TWIST2: variants seen among roughly 807,000 people sequenced by gnomAD.
TWIST2 encodes twist family bHLH transcription factor 2, also known as twist-related protein 2.
In TWIST2, 1 loss-of-function variant was observed where a neutral mutation model predicts 11.6. The observed-to-expected ratio is 0.09, with a 90% CI of 0.03 to 0.41. The LOEUF (loss-of-function observed/expected upper bound fraction) is 0.41. Among genes scored for constraint, TWIST2 ranks in the 10% least tolerant of loss-of-function variants. The pLI, the probability that TWIST2 is intolerant of heterozygous loss-of-function variation, is 0.98. For missense variants in TWIST2, 168 were observed against 226.4 expected, an observed-to-expected ratio of 0.74 and a Z score of 1.66; for synonymous variants, 87 against 96.6, an observed-to-expected ratio of 0.90 and a Z score of 0.58.
At chr2:238,884,399 G>A (rs1452378729) in intron 1 of TWIST2, among the ~76,000 whole-genome samples, 1 of 152,264 alleles carries the variant, frequency 6.6e-6, no homozygotes, top group Non-Finnish European at 1.5e-5. Flanking sequence ...CTTCCCATGC[G>A]AGTGGCTTCA....
chr2:238,891,984 C>G (rs894209554), intron 1 of TWIST2, among the ~76,000 whole-genome samples: 7 of 152,208 alleles, frequency 4.6e-5, no homozygotes, highest in African/African-American at 1.7e-4. Flanking sequence ...AGTTCGTTCA[C>G]GGAGCCGCTG....
chr2:238,871,390 T>C (rs1263949167), intron 1 of TWIST2, among the ~76,000 whole-genome samples: 2 of 30,652 alleles, frequency 6.5e-5, no homozygotes, highest in East Asian at 2.4e-3. Context: ...ACACACCCCA[T>C]GCACACACCA....
At chr2:238,891,118 A>G (rs1045169096) in intron 1 of TWIST2, among the ~76,000 whole-genome samples, 2 of 152,232 alleles carry the variant, frequency 1.3e-5, no homozygotes, top group Non-Finnish European at 2.9e-5. Flanking sequence ...TGACATTCGC[A>G]GTCTGATCTC....
chr2:238,868,304 GC>G (rs1692580164), intron 1 of TWIST2, among the ~76,000 whole-genome samples: 1 of 152,210 alleles, frequency 6.6e-6, no homozygotes, highest in Non-Finnish European at 1.5e-5. Flanking sequence ...AAACCTGACT[GC>G]CCAAGTGCCG....
At chr2:238,855,761 G>A (rs570492946) in intron 1 of TWIST2, among the ~76,000 whole-genome samples, 1 of 152,144 alleles carries the variant, frequency 6.6e-6, no homozygotes, top group African/African-American at 2.4e-5. Flanking sequence ...TCAGTCACAC[G>A]TGGAAATACA....
intron 1 of TWIST2, among the ~76,000 whole-genome samples, chr2:238,904,821 G>A (rs1200440934): frequency 3.3e-5 from 5 of 151,948 alleles, no homozygotes; most frequent in African/African-American, 1.2e-4. Flanking sequence ...GGAAGCGGAA[G>A]GAAGGGAGGG....
intron 1 of TWIST2, among the ~76,000 whole-genome samples, chr2:238,873,213 C>G (rs1692740205): frequency 6.6e-6 from 1 of 152,162 alleles, no homozygotes; most frequent in Non-Finnish European, 1.5e-5. Context: ...TTGAGAGCCT[C>G]CCACGTGCTG....
intron 1 of TWIST2, among the ~76,000 whole-genome samples, chr2:238,895,053 G>A (rs1693191457): frequency 6.6e-6 from 1 of 152,182 alleles, no homozygotes; most frequent in African/African-American, 2.4e-5. Flanking sequence ...CAGGCAGAGC[G>A]CCCGACACCG....
At chr2:238,869,069 C>T (rs1692598278) in intron 1 of TWIST2, among the ~76,000 whole-genome samples, 2 of 152,334 alleles carry the variant, frequency 1.3e-5, no homozygotes, top group South Asian at 4.1e-4. Flanking sequence ...TAAGTGGTTT[C>T]CTTGCAAAGG....
chr2:238,901,149 G>A (rs1238277965), intron 1 of TWIST2, among the ~76,000 whole-genome samples: 11 of 151,818 alleles, frequency 7.2e-5, no homozygotes, highest in African/African-American at 2.7e-4. Flanking sequence ...GCTAATTTTT[G>A]TATTTTTAGT....
At chr2:238,908,502 CCCA>C (rs1693394628) in intron 1 of TWIST2, among the ~76,000 whole-genome samples, 3 of 152,110 alleles carry the variant, frequency 2.0e-5, no homozygotes, top group Admixed American at 1.3e-4. Context: ...ACATACATAC[CCCA>C]CACCACACAC....
rs936315157 is a variant in TWIST2 at position 238,859,160 on chromosome 2, C to T, written c.*35+10427C>T. ...CTGGGAGGCAGAGGTTGAAGTGAGC[C>T]GAGATTGCACCACTGCACTCCAGCC... On this transcript the variant is annotated intron_variant, in intron 1 of 1. Transcript: ENST00000612363. Among the ~76,000 whole-genome samples, 9 of 149,538 alleles carry T rather than the reference C, an allele frequency of 6.0e-5. No homozygotes were observed. In the East Asian group the frequency reaches 8.0e-4, roughly 13 times the overall value.
intron 1 of TWIST2, among the ~76,000 whole-genome samples, chr2:238,851,306 A>G (rs879284612): frequency 2.0e-5 from 3 of 152,238 alleles, no homozygotes; most frequent in Non-Finnish European, 2.9e-5. Context: ...TGGTATTTAA[A>G]AGCACAATTA....
In TWIST2 at chr2:238,905,896, CGTGTGTGCGTGTGTGTGCGTGCAGGTGT is replaced by C. The variant is rs1297542870; in HGVS notation, c.*36-3944_*36-3917del. Among the ~76,000 whole-genome samples, 806 of 139,392 alleles carry C rather than the reference CGTGTGTGCGTGTGTGTGCGTGCAGGTGT, an allele frequency of 5.8e-3. 9 individuals are homozygous for C. Among genetic ancestry groups the C allele is most frequent in the African/African-American group, 0.022 (746 of 33,812 alleles). The allele number at this position is 139,392 out of a possible 152,430, so 91.4% of individuals were successfully genotyped here. On this transcript the variant is annotated intron_variant, in intron 1 of 1. Transcript: ENST00000612363. ...GTGTGTGTGCATGTGCGCGCATGCGCGTGTGTGCGTGTGTGTGCGTGCAGGTGTGCGTGTGCGCGTGTGTGTGCGCGCG... is the reference window on the plus strand; with the variant it reads ...GTGTGTGTGCATGTGCGCGCATGCGCGCGTGTGCGCGTGTGTGTGCGCGCG...
chr2:238,902,978 TGG>T (rs1174858646), intron 1 of TWIST2, among the ~76,000 whole-genome samples: 62 of 27,596 alleles, frequency 2.2e-3, no homozygotes, highest in African/African-American at 3.0e-3. Context: ...GTGTGTGATG[TGG>T]GTGTGTGATG....
chr2:238,879,463 C>T (rs1692867105), intron 1 of TWIST2, among the ~76,000 whole-genome samples: 1 of 152,202 alleles, frequency 6.6e-6, no homozygotes, highest in African/African-American at 2.4e-5. Flanking sequence ...TGCACACCTC[C>T]CTCCAGCCGG....
rs1692477965 is a variant in TWIST2, at chr2:238,863,874, A to AGAGGTCGGCCGTAGAG, written c.*35+15142_*35+15157dup. Among the ~76,000 whole-genome samples, 1 of 152,126 alleles carries AGAGGTCGGCCGTAGAG rather than the reference A, an allele frequency of 6.6e-6. No individual in the cohort carries two copies. Among genetic ancestry groups the AGAGGTCGGCCGTAGAG allele is most frequent in the Non-Finnish European group, 1.5e-5 (1 of 68,026 alleles). On this transcript the variant is annotated intron_variant, in intron 1 of 1. Transcript: ENST00000612363. The surrounding 1 kb of genome is among the most constrained non-coding windows in gnomAD (Gnocchi z 4.7). ...GAATGACAAATGTGTGGGACTGAGG[A>AGAGGTCGGCCGTAGAG]GAGGTCGGCCGTAGAGTAGGTCTAC...
rs1289385129 is a variant in TWIST2 at position 238,863,685 on chromosome 2, T to C, written c.*35+14952T>C. ...GGAAGCAAGTGGGAAAAAACCTCAA[T>C]GAACCCCTTAGCTGTTCCCCGAACC... On this transcript the variant is annotated intron_variant, in intron 1 of 1. Coordinates refer to ENST00000612363, the MANE Select transcript of TWIST2 (RefSeq NM_001271893.4). This position sits in a 1 kb window ranked among gnomAD's most constrained non-coding sequence, Gnocchi z 4.7. Among the ~76,000 whole-genome samples, 1 of 152,190 alleles carries C rather than the reference T, an allele frequency of 6.6e-6. No individual in the cohort carries two copies. Among genetic ancestry groups the C allele is most frequent in the African/African-American group, 2.4e-5 (1 of 41,454 alleles).
chr2:238,877,200 A>G (rs1692823392), intron 1 of TWIST2, among the ~76,000 whole-genome samples: 1 of 152,154 alleles, frequency 6.6e-6, no homozygotes. Flanking sequence ...CCATCTCAAA[A>G]CAGCAACAAC....
Sources: allele counts gnomAD v4.1 joint callset (sites outside exome capture counted in the v4.1 genomes callset), GRCh38; gene constraint gnomAD v4.1.1; non-coding constraint Gnocchi (gnomAD v3.1); transcripts MANE v1.5; gene names NCBI Gene and HGNC (gene_info 2026-07-23, HGNC 2026-07-21).